The following RBMS3 variants were observed in gnomAD, a reference collection of about 807,000 sequenced individuals.
RBMS3 encodes the protein RNA binding motif single stranded interacting protein 3.
In RBMS3, 27 loss-of-function variants were observed where a neutral mutation model predicts 66.8. The observed-to-expected ratio is 0.40, with a 90% CI of 0.30 to 0.56. The LOEUF is 0.56. Ranked by LOEUF, RBMS3 falls within the 20% of genes least tolerant of loss-of-function variation. The pLI is 0.40. For synonymous variants in RBMS3, 188 were observed against 183.0 expected (o/e 1.03, Z -0.22); for missense variants, 513 against 549.5 (o/e 0.93, Z 0.66).
At chr3:29,315,609 A>G (rs917781407) in intron 1 of RBMS3, among the ~76,000 whole-genome samples, 1 of 151,776 alleles carries the variant, frequency 6.6e-6, no homozygotes, top group South Asian at 2.1e-4. Flanking sequence ...TTGTGGATCT[A>G]CATAATTGTT....
intron 12 of RBMS3, among the ~76,000 whole-genome samples, chr3:29,982,070 G>C (rs1698033422): frequency 6.6e-6 from 1 of 152,012 alleles, no homozygotes; most frequent in Non-Finnish European, 1.5e-5. Context: ...TTTTTTGTTG[G>C]TAGGCTATCA....
At chr3:29,521,681 C>T (rs2044862988) in intron 3 of RBMS3, among the ~76,000 whole-genome samples, 1 of 152,202 alleles carries the variant, frequency 6.6e-6, no homozygotes, top group Non-Finnish European at 1.5e-5. Flanking sequence ...CCTGTTCTTA[C>T]CTCTTTATGT....
At chr3:29,779,300 T>C (rs2056537753) in intron 6 of RBMS3, among the ~76,000 whole-genome samples, 1 of 151,508 alleles carries the variant, frequency 6.6e-6, no homozygotes, top group Non-Finnish European at 1.5e-5. Flanking sequence ...TATGTAAACA[T>C]ATATATATAC....
intron 6 of RBMS3, among the ~76,000 whole-genome samples, chr3:29,850,568 C>T (rs893866385): frequency 2.6e-5 from 4 of 151,990 alleles, no homozygotes; most frequent in African/African-American, 4.8e-5. Context: ...TCTCCATTTT[C>T]GCTAGGAAAT....
In RBMS3 at chr3:29,713,273, C is replaced by T. The variant is rs138786499; in HGVS notation, c.400-26447C>T. Among the ~76,000 whole-genome samples the T allele has an allele frequency of 2.2e-4, 34 of 152,116 alleles. No individual in the cohort carries two copies. In the East Asian group the frequency reaches 5.6e-3, roughly 25 times the overall value. ...TCACCCTCTCTTTGTTCAGTGTTTG[C>T]CCTCTGTTCCCATATAAGGATGATT... On this transcript the variant is annotated intron_variant, in intron 4 of 14. Coordinates refer to ENST00000383767, the MANE Select transcript of RBMS3 (RefSeq NM_001003793.3).
intron 1 of RBMS3, among the ~76,000 whole-genome samples, chr3:29,324,377 A>T (rs1483309143): frequency 1.3e-5 from 2 of 152,142 alleles, no homozygotes; most frequent in South Asian, 2.1e-4. Flanking sequence ...TTTATGGATT[A>T]TGCACAGTTT....
In RBMS3 at chr3:29,470,203, G is replaced by C. The variant is rs141495115; in HGVS notation, c.249-18238G>C. 4.9e-3 allele frequency among the ~76,000 whole-genome samples: 739 copies of C among 151,704 alleles called. 6 individuals are homozygous for C. The highest frequency in any genetic ancestry group is 0.017 in the African/African-American group (712 of 41,434). On this transcript the variant is annotated intron_variant, in intron 2 of 14. Transcript: ENST00000383767. Reference sequence around the variant, plus strand: ...TTTTACCTTTTGCCTGTAATGATGCGGAAAATGCATGTTTTAAGTTTTTTG... The same window carrying C: ...TTTTACCTTTTGCCTGTAATGATGCCGAAAATGCATGTTTTAAGTTTTTTG...
chr3:29,320,641 TTA>T (rs1418580669), intron 1 of RBMS3, among the ~76,000 whole-genome samples: 1 of 152,050 alleles, frequency 6.6e-6, no homozygotes, highest in Non-Finnish European at 1.5e-5. Context: ...AATTTCTATT[TTA>T]TGTTAGTTAT....
intron 4 of RBMS3, among the ~76,000 whole-genome samples, chr3:29,659,115 C>A (rs2050432725): frequency 1.3e-5 from 2 of 152,140 alleles, no homozygotes; most frequent in South Asian, 4.1e-4. Context: ...CAGCGCCCAG[C>A]CTTTATTCAC....
intron 5 of RBMS3, among the ~76,000 whole-genome samples, chr3:29,754,012 C>T (rs1468069356): frequency 2.0e-5 from 3 of 151,550 alleles, no homozygotes; most frequent in African/African-American, 7.3e-5. Context: ...GGCTACAGTG[C>T]AGTGGCACGA....
At chr3:29,560,378 C>A (rs1265138385) in intron 3 of RBMS3, among the ~76,000 whole-genome samples, 2 of 152,048 alleles carry the variant, frequency 1.3e-5, no homozygotes, top group African/African-American at 4.8e-5. Flanking sequence ...GAGTTACATA[C>A]AAATATTTTA....
intron 1 of RBMS3, among the ~76,000 whole-genome samples, chr3:29,313,722 A>G (rs1327017588): frequency 6.6e-6 from 1 of 151,754 alleles, no homozygotes. Context: ...CATGATGCTT[A>G]CTAGAGGACA....
At chr3:29,918,298 T>A (rs994323108) in intron 10 of RBMS3, among the ~76,000 whole-genome samples, 17 of 152,156 alleles carry the variant, frequency 1.1e-4, no homozygotes, top group African/African-American at 3.9e-4. Context: ...TTAATGCCAA[T>A]CACATTAGCA....
chr3:29,502,550 G>A (rs2044015631), intron 3 of RBMS3, among the ~76,000 whole-genome samples: 1 of 152,012 alleles, frequency 6.6e-6, no homozygotes, highest in Non-Finnish European at 1.5e-5. Context: ...AAACAGTATC[G>A]ATTAGGGGTT....
chr3:29,743,832 T>G (rs1406102252), intron 5 of RBMS3, among the ~76,000 whole-genome samples: 2 of 151,368 alleles, frequency 1.3e-5, no homozygotes, highest in Non-Finnish European at 2.9e-5. Context: ...GCCATGTTGG[T>G]ATGCTGCACC....
intron 12 of RBMS3, among the ~76,000 whole-genome samples, chr3:29,973,676 C>A (rs1697368220): frequency 6.6e-6 from 1 of 151,950 alleles, no homozygotes; most frequent in Non-Finnish European, 1.5e-5. Flanking sequence ...ATTTCCTGAG[C>A]TCCTCACTTC....
At chr3:29,546,109 TG>T (rs2045939063) in intron 3 of RBMS3, among the ~76,000 whole-genome samples, 1 of 5,954 alleles carries the variant, frequency 1.7e-4, no homozygotes, top group Non-Finnish European at 3.7e-4. Flanking sequence ...GAGACGGGTT[TG>T]TGTGTGTGTG....
At chr3:29,842,947 C>A (rs2058696464) in intron 6 of RBMS3, among the ~76,000 whole-genome samples, 1 of 152,166 alleles carries the variant, frequency 6.6e-6, no homozygotes, top group South Asian at 2.1e-4. Context: ...CTGACCTCCA[C>A]AAAAGTAAGA....
At chr3:29,410,320 G>A (rs2040208250) in intron 1 of RBMS3, among the ~76,000 whole-genome samples, 1 of 152,186 alleles carries the variant, frequency 6.6e-6, no homozygotes, top group African/African-American at 2.4e-5. Context: ...ATGAAGGCAA[G>A]CATGAATCAG....
Sources: allele counts gnomAD v4.1 joint callset (sites outside exome capture counted in the v4.1 genomes callset), GRCh38; gene constraint gnomAD v4.1.1; transcripts MANE v1.5; gene names NCBI Gene and HGNC (gene_info 2026-07-23, HGNC 2026-07-21).